Variants in PRKG1 observed in about 807,000 individuals in gnomAD.
The protein encoded by PRKG1 is protein kinase cGMP-dependent 1, also known as cGMP-dependent protein kinase 1.
PRKG1 carries 35 observed loss-of-function variants against 88.1 expected under a neutral mutation model. That is an observed-to-expected ratio of 0.40 (90% CI 0.30 to 0.53). The LOEUF is 0.53. PRKG1 is among the 20% of genes least tolerant of loss of function. PRKG1 has a pLI of 0.59. For missense variants in PRKG1, 540 were observed against 839.8 expected, an observed-to-expected ratio of 0.64 and a Z score of 4.41; for synonymous variants, 303 against 292.5, an observed-to-expected ratio of 1.04 and a Z score of -0.37.
intron 1 of PRKG1, among the ~76,000 whole-genome samples, chr10:51,018,661 C>A (rs1477282938): frequency 6.6e-6 from 1 of 152,172 alleles, no homozygotes; most frequent in Non-Finnish European, 1.5e-5. Context: ...TCATACCTAA[C>A]TTTTTCTACA....
At chr10:52,289,109 C>T (rs1188467197) in intron 16 of PRKG1, 116 bp downstream of exon 16, 11 of 961,042 alleles carry the variant, frequency 1.1e-5, no homozygotes, top group African/African-American at 1.7e-5. Context: ...CCAAAGACAG[C>T]GTATAAACTA....
intron 2 of PRKG1, among the ~76,000 whole-genome samples, chr10:51,394,725 C>A (rs965183813): frequency 6.6e-6 from 1 of 152,164 alleles, no homozygotes; most frequent in African/African-American, 2.4e-5. Flanking sequence ...ACTTGATCCT[C>A]ACAACAATAC....
At chr10:51,400,419 C>G (rs1452526864) in intron 2 of PRKG1, among the ~76,000 whole-genome samples, 1 of 152,082 alleles carries the variant, frequency 6.6e-6, no homozygotes, top group Admixed American at 6.6e-5. Context: ...GCCAACCACA[C>G]AGATAATGGA....
intron 1 of PRKG1, among the ~76,000 whole-genome samples, chr10:51,102,769 C>T (rs1844717178): frequency 6.6e-6 from 1 of 152,130 alleles, no homozygotes; most frequent in Non-Finnish European, 1.5e-5. Flanking sequence ...TTTAGTGATG[C>T]AAACGTAAGC....
chr10:52,158,416 G>T (rs561647120), intron 8 of PRKG1, among the ~76,000 whole-genome samples: 11 of 151,664 alleles, frequency 7.3e-5, no homozygotes, highest in South Asian at 6.2e-4. Context: ...TTTGATGAGG[G>T]TTCACACAGA....
chr10:52,283,782 A>T (rs1842052856), intron 14 of PRKG1, among the ~76,000 whole-genome samples: 1 of 152,078 alleles, frequency 6.6e-6, no homozygotes, highest in African/African-American at 2.4e-5. Flanking sequence ...ATGGATAGAT[A>T]GGTAAATAGG....
intron 3 of PRKG1, among the ~76,000 whole-genome samples, chr10:51,673,172 G>A (rs1840626282): frequency 6.6e-6 from 1 of 152,176 alleles, no homozygotes; most frequent in Non-Finnish European, 1.5e-5. Flanking sequence ...AAAAAACAGA[G>A]CAGAGTCTCC....
At chr10:52,195,431 A>G (rs921926364) in intron 9 of PRKG1, among the ~76,000 whole-genome samples, 1 of 152,100 alleles carries the variant, frequency 6.6e-6, no homozygotes, top group African/African-American at 2.4e-5. Context: ...TGTTAGTTGG[A>G]TTTTTCTCTA....
At chr10:51,349,454 TTGTGTGTG>T (rs34302728) in intron 2 of PRKG1, among the ~76,000 whole-genome samples, 5 of 97,358 alleles carry the variant, frequency 5.1e-5, no homozygotes, top group African/African-American at 1.1e-4. Context: ...TTCATATTGT[TTGTGTGTG>T]TGTGTGTGTG....
intron 2 of PRKG1, among the ~76,000 whole-genome samples, chr10:51,226,562 A>G (rs1046424552): frequency 2.6e-5 from 4 of 152,184 alleles, no homozygotes; most frequent in African/African-American, 9.7e-5. Context: ...TGCCAATTTG[A>G]TGAAAACTTT....
In PRKG1 at chr10:51,229,945, A is replaced by G. The variant is rs76046076; in HGVS notation, c.478+76615A>G. On this transcript the variant is annotated intron_variant, in intron 2 of 17. Transcript: ENST00000373980. ...CGATCTCAAAAAAAAAAAAAAAAAA[A>G]AAAGAAAAAGAAAAAAGAAAGAAAA... Among the ~76,000 whole-genome samples, 12 of 150,858 alleles carry G rather than the reference A, an allele frequency of 8.0e-5. 1 individual carries two copies. In the South Asian group the frequency reaches 8.3e-4, roughly 10 times the overall value.
intron 10 of PRKG1, among the ~76,000 whole-genome samples, chr10:52,269,217 G>A (rs1841654734): frequency 6.6e-6 from 1 of 152,028 alleles, no homozygotes; most frequent in Admixed American, 6.6e-5. Flanking sequence ...TCTCTGAATT[G>A]TAGTACTCTA....
intron 5 of PRKG1, among the ~76,000 whole-genome samples, chr10:51,960,949 G>A (rs1443529776): frequency 6.6e-6 from 1 of 152,106 alleles, no homozygotes; most frequent in Non-Finnish European, 1.5e-5. Flanking sequence ...GCTTTTTAGC[G>A]ACAGCAAGTT....
At chr10:51,592,502 A>C (rs190872768) in intron 3 of PRKG1, among the ~76,000 whole-genome samples, 6 of 152,232 alleles carry the variant, frequency 3.9e-5, no homozygotes, top group African/African-American at 1.4e-4. Context: ...CACAATCAAT[A>C]CTTGCCTATT....
At chr10:51,259,056 C>T (rs922402051) in intron 2 of PRKG1, among the ~76,000 whole-genome samples, 1 of 152,184 alleles carries the variant, frequency 6.6e-6, no homozygotes, top group African/African-American at 2.4e-5. Context: ...GTGCCCCCTG[C>T]CAAGTGCTTG....
intron 8 of PRKG1, among the ~76,000 whole-genome samples, chr10:52,143,061 G>A (rs1238225934): frequency 2.7e-5 from 4 of 150,040 alleles, no homozygotes; most frequent in African/African-American, 7.3e-5. Flanking sequence ...AAAAAAAATA[G>A]TAACTATAAT....
Position 51,074,926 on chromosome 10 carries a change from C to G in PRKG1, c.311+25C>G, listed in dbSNP as rs780415153. The G allele has an allele frequency of 1.7e-5, 26 of 1,562,688 alleles. No individual in the cohort carries two copies. The South Asian group carries it at 3.1e-4, about 18-fold the overall frequency. On this transcript the variant is annotated intron_variant, in intron 1 of 17. Transcript: ENST00000373980. ...AGTAAGCAGGGGTGACGCGCCGGGT[C>G]CATGTGGCGCCCTGGCGATGGGGAG... is the stretch of plus-strand genomic sequence containing the variant.
In PRKG1 at chr10:51,395,496, T is replaced by C. The variant is rs573638106; in HGVS notation, c.479-72227T>C. On this transcript the variant is annotated intron_variant, in intron 2 of 17. Transcript: ENST00000373980. ...CCCAGAGGTAAAGCTGGGGCTGGGGTTCCTTATGCAAAGAGAGCTGTCTCT... is the reference window on the plus strand; with the variant it reads ...CCCAGAGGTAAAGCTGGGGCTGGGGCTCCTTATGCAAAGAGAGCTGTCTCT... Among the ~76,000 whole-genome samples the C allele has an allele frequency of 4.4e-5, 6 of 135,168 alleles. No individual in the cohort carries two copies. The South Asian group carries it at 1.4e-3, about 32-fold the overall frequency. 88.7% of individuals were successfully genotyped at this position (135,168 alleles called of 152,430 possible).
chr10:51,835,045 C>T (rs909837580), intron 4 of PRKG1, among the ~76,000 whole-genome samples: 19 of 152,136 alleles, frequency 1.2e-4, no homozygotes, highest in African/African-American at 3.6e-4. Flanking sequence ...ATTAACCAAA[C>T]GCACACACAT....
Sources: gnomAD v4.1 joint callset for allele counts (sites outside exome capture counted in the v4.1 genomes callset) on GRCh38, gnomAD v4.1.1 for gene constraint, MANE v1.5 for transcripts, NCBI Gene and HGNC (gene_info 2026-07-23, HGNC 2026-07-21) for gene names.